The following P4HA1 variants were observed in gnomAD, a reference collection of about 807,000 sequenced individuals.
The protein encoded by P4HA1 is prolyl 4-hydroxylase subunit alpha-1.
P4HA1 carries 24 observed loss-of-function variants against 72.8 expected under a neutral mutation model. The observed-to-expected ratio is 0.33, with a 90% CI of 0.24 to 0.46. P4HA1 has a LOEUF of 0.46. Among genes scored for constraint, P4HA1 ranks in the 20% least tolerant of loss-of-function variants. The pLI is 1.00. For synonymous variants in P4HA1, 201 were observed against 218.8 expected, an observed-to-expected ratio of 0.92 and a Z score of 0.72; for missense variants, 446 against 640.6, an observed-to-expected ratio of 0.70 and a Z score of 3.28.
At chr10:73,039,853 C>CCT (rs1840690245) in intron 9 of P4HA1, among the ~76,000 whole-genome samples, 1 of 139,100 alleles carries the variant, frequency 7.2e-6, no homozygotes, top group Non-Finnish European at 1.5e-5. Context: ...ACTGAGATGG[C>CCT]CTTTTTTTTT....
intron 7 of P4HA1, 86 bp downstream of exon 7, chr10:73,050,965 AAT>A (rs1841005417): frequency 1.0e-6 from 1 of 953,670 alleles, no homozygotes; most frequent in Non-Finnish European, 1.6e-6. Flanking sequence ...CATAGGCTTA[AAT>A]ATAAAATAAC....
chr10:73,043,149 AAAC>A lies in P4HA1; in HGVS notation c.1148+1829_1148+1831del, dbSNP rs561814821. 8.2e-4 allele frequency among the ~76,000 whole-genome samples: 125 copies of A among 152,332 alleles called. 7 individuals carry two copies. Among genetic ancestry groups the A allele is most frequent in the African/African-American group, 2.6e-3 (107 of 41,576 alleles). The stretch of plus-strand genomic sequence containing the variant: ...ATTTGTTAATCTAAATAACATGACT[AAAC>A]AATCATTATCAAGTATAAACAAGTG... On this transcript the variant is annotated intron_variant, in intron 9 of 14. Coordinates refer to ENST00000394890, the MANE Select transcript of P4HA1 (RefSeq NM_001017962.3).
At chr10:73,011,575 A>T (rs1839909771) in intron 12 of P4HA1, among the ~76,000 whole-genome samples, 1 of 152,242 alleles carries the variant, frequency 6.6e-6, no homozygotes, top group Non-Finnish European at 1.5e-5. Flanking sequence ...TGAGAAAGTT[A>T]AAGGATTATA....
At chr10:73,009,503 A>G (rs1289243474) in intron 14 of P4HA1, 2 of 230,264 alleles carry the variant, frequency 8.7e-6, no homozygotes, top group Non-Finnish European at 1.8e-5. Context: ...AATATGTACT[A>G]CATTATAATC....
At chr10:73,024,747 G>A (rs1840224781) in intron 10 of P4HA1, among the ~76,000 whole-genome samples, 2 of 152,054 alleles carry the variant, frequency 1.3e-5, no homozygotes, top group Admixed American at 1.3e-4. Flanking sequence ...CAGCTAGCAA[G>A]ACTAATAAAG....
In P4HA1 at chr10:73,093,037, T is replaced by C. The variant is rs982114420; in HGVS notation, c.-33+3729A>G. ...CCGGAGGCTGAGGCAGAAGGATTGCTTGAGCCCAGGAGTTCAAGGCTGCAG... is the reference window on the plus strand; with the variant it reads ...CCGGAGGCTGAGGCAGAAGGATTGCCTGAGCCCAGGAGTTCAAGGCTGCAG... On this transcript the variant is annotated intron_variant, in intron 1 of 14. Transcript: ENST00000394890. 9.2e-5 allele frequency among the ~76,000 whole-genome samples: 14 copies of C among 151,838 alleles called. No homozygotes were observed. The South Asian group carries it at 2.7e-3, about 29-fold the overall frequency.
intron 12 of P4HA1, among the ~76,000 whole-genome samples, chr10:73,012,521 T>G (rs1234564293): frequency 6.6e-6 from 1 of 152,060 alleles, no homozygotes; most frequent in Non-Finnish European, 1.5e-5. Flanking sequence ...GTACCTTACC[T>G]CCTTTTGGAA....
intron 5 of P4HA1, among the ~76,000 whole-genome samples, chr10:73,067,772 C>G (rs889817245): frequency 8.6e-5 from 13 of 152,018 alleles, no homozygotes; most frequent in African/African-American, 3.1e-4. Flanking sequence ...CTTTACATCC[C>G]TTATGAGGTC....
chr10:73,093,344 T>C (rs973434206), intron 1 of P4HA1, among the ~76,000 whole-genome samples: 5 of 152,110 alleles, frequency 3.3e-5, no homozygotes, highest in African/African-American at 1.2e-4. Flanking sequence ...CTAACAGTCA[T>C]ACTGATCATC....
At chr10:73,016,936 A>G (rs1840018101) in intron 10 of P4HA1, 37 bp from the exon 11 acceptor site, 5 of 1,547,018 alleles carry the variant, frequency 3.2e-6, no homozygotes, top group African/African-American at 1.4e-5. Context: ...GAAAAGAACT[A>G]TAAAGATTAC....
intron 9 of P4HA1, among the ~76,000 whole-genome samples, chr10:73,041,715 T>C (rs80326975): frequency 0.052 from 7,955 of 152,192 alleles, 664 homozygotes; most frequent in African/African-American, 0.17. Flanking sequence ...CCCCAGTTTA[T>C]TACCATTAGA....
At chr10:73,060,816 A>T (rs540221534) in intron 5 of P4HA1, among the ~76,000 whole-genome samples, 19 of 152,298 alleles carry the variant, frequency 1.2e-4, no homozygotes, top group South Asian at 6.2e-4. Flanking sequence ...TACAAAAAAA[A>T]AATAATAATA....
At position 73,078,600 on chromosome 10, in the gene P4HA1, A is replaced by ATTTTTT. The variant is rs770821126; in HGVS notation, c.-32-3691_-32-3686dup. Among the ~76,000 whole-genome samples the ATTTTTT allele has an allele frequency of 2.7e-4, 27 of 99,698 alleles. 4 individuals are homozygous for ATTTTTT. The highest frequency in any genetic ancestry group is 1.0e-3 in the African/African-American group (22 of 21,276). 65.4% of individuals were successfully genotyped at this position (99,698 alleles called of 152,430 possible). On this transcript the variant is annotated intron_variant, in intron 1 of 14. Coordinates refer to ENST00000394890, the MANE Select transcript of P4HA1 (RefSeq NM_001017962.3). ...TCTCTGGTTAGCAAAGCAGTAGGTA[A>ATTTTTT]TTTTTTTTTTTTTTTTTTTTTTTTT...
chr10:73,072,184 C>G lies in P4HA1; in HGVS notation c.174-4G>C, dbSNP rs375056624. ...CCGATCTAACTTCTCTGCCCATCTA[C>G]AGATGTAAAACATAAAAACTGAATA... is the stretch of plus-strand genomic sequence containing the variant. On this transcript the variant is annotated splice_region_variant and splice_polypyrimidine_tract_variant and intron_variant, in intron 3 of 14. Coordinates refer to ENST00000394890, the MANE Select transcript of P4HA1 (RefSeq NM_001017962.3). The G allele has an allele frequency of 3.1e-6, 5 of 1,606,530 alleles. No homozygotes were observed. The highest frequency in any genetic ancestry group is 4.3e-6 in the Non-Finnish European group (5 of 1,175,104).
At chr10:73,093,874 ATATATATATATATATATATAT>A (rs1338049045) in intron 1 of P4HA1, among the ~76,000 whole-genome samples, 2 of 27,708 alleles carry the variant, frequency 7.2e-5, no homozygotes, top group East Asian at 7.5e-4. Flanking sequence ...AAAAAAAAAA[ATATATATATATATATATATAT>A]ATATATATAT....
intron 5 of P4HA1, among the ~76,000 whole-genome samples, chr10:73,055,794 A>T (rs1333055241): frequency 2.0e-5 from 3 of 152,258 alleles, no homozygotes; most frequent in African/African-American, 7.2e-5. Flanking sequence ...ATATTTTAAA[A>T]TAATGGCCTA....
chr10:73,069,062 C>T, intron 4 of P4HA1, 79 bp from the exon 5 acceptor site: 2 of 1,092,160 alleles, frequency 1.8e-6, no homozygotes, highest in Non-Finnish European at 2.7e-6. Context: ...AAGGATTGTT[C>T]AAAATCTATT....
At chr10:73,055,653 G>T (rs1841126730) in intron 5 of P4HA1, among the ~76,000 whole-genome samples, 1 of 152,160 alleles carries the variant, frequency 6.6e-6, no homozygotes, top group Non-Finnish European at 1.5e-5. Flanking sequence ...ACTCGCTTCT[G>T]CAGTGAAACT....
At chr10:73,081,611 C>CA (rs1841824747) in intron 1 of P4HA1, among the ~76,000 whole-genome samples, 1 of 152,152 alleles carries the variant, frequency 6.6e-6, no homozygotes, top group Non-Finnish European at 1.5e-5. Context: ...CTCAACAGGT[C>CA]AATCAAACCT....
Sources: gnomAD v4.1 joint callset for allele counts (sites outside exome capture counted in the v4.1 genomes callset) on GRCh38, gnomAD v4.1.1 for gene constraint, MANE v1.5 for transcripts, NCBI Gene and HGNC (gene_info 2026-07-23, HGNC 2026-07-21) for gene names.